The following DNAH8 variants were observed in gnomAD, a reference collection of about 807,000 sequenced individuals.
DNAH8 encodes the protein axonemal beta dynein heavy chain 8.
Under a neutral mutation model 562.1 loss-of-function variants are expected in DNAH8, and 382 were observed. That is an observed-to-expected ratio of 0.68 (90% CI 0.63 to 0.74). DNAH8 has a LOEUF of 0.74. DNAH8 is among the 30% of genes least tolerant of loss of function. The pLI, the probability that DNAH8 is intolerant of heterozygous loss-of-function variation, is 0.00. For synonymous variants in DNAH8, 1,881 were observed against 1,919.4 expected (o/e 0.98, Z 0.52); for missense variants, 5,203 against 5,620.4 (o/e 0.93, Z 2.37).
chr6:38,874,831 A>G (rs1189669736), intron 52 of DNAH8, among the ~76,000 whole-genome samples: 1 of 152,230 alleles, frequency 6.6e-6, no homozygotes, highest in Non-Finnish European at 1.5e-5. Context: ...ATTTGTGGGT[A>G]GGTTAGAAAC....
At chr6:38,997,216 C>T (rs920166304) in intron 88 of DNAH8, among the ~76,000 whole-genome samples, 1 of 152,110 alleles carries the variant, frequency 6.6e-6, no homozygotes, top group African/African-American at 2.4e-5. Context: ...TTCTTCTTTC[C>T]TCTGGCTCTG....
intron 62 of DNAH8, among the ~76,000 whole-genome samples, chr6:38,904,287 C>T (rs534313280): frequency 2.0e-5 from 3 of 152,044 alleles, no homozygotes; most frequent in African/African-American, 7.2e-5. Context: ...CTGGAGATAG[C>T]AATATAGAAG....
chr6:38,907,539 A>G (rs2150522853), intron 63 of DNAH8, among the ~76,000 whole-genome samples: 1 of 152,196 alleles, frequency 6.6e-6, no homozygotes, highest in Middle Eastern at 3.5e-3. Flanking sequence ...CTGCAAGCAT[A>G]CCCTTTTCAA....
intron 81 of DNAH8, 91 bp downstream of exon 81, chr6:38,949,661 C>T: frequency 2.6e-6 from 2 of 775,012 alleles, no homozygotes; most frequent in East Asian, 5.2e-5. Context: ...CACTATATCA[C>T]TGTCATTGAA....
intron 24 of DNAH8, among the ~76,000 whole-genome samples, chr6:38,811,371 T>C (rs1419353598): frequency 6.6e-6 from 1 of 152,204 alleles, no homozygotes; most frequent in Non-Finnish European, 1.5e-5. Flanking sequence ...GGTTATTTCA[T>C]ATGTTGGGGC....
intron 9 of DNAH8, among the ~76,000 whole-genome samples, chr6:38,750,958 C>T (rs1389605876): frequency 6.6e-6 from 1 of 152,110 alleles, no homozygotes; most frequent in Admixed American, 6.6e-5. Context: ...TATAGTGAAT[C>T]ATTAATATAG....
intron 18 of DNAH8, among the ~76,000 whole-genome samples, chr6:38,788,756 T>C (rs1169964726): frequency 1.3e-5 from 2 of 152,226 alleles, no homozygotes; most frequent in African/African-American, 2.4e-5. Flanking sequence ...GATGGTGTTC[T>C]TTGAAGCACA....
Position 38,898,370 on chromosome 6 carries a change from A to G in DNAH8, c.9053A>G (p.His3018Arg). Residue 3018 changes from histidine to arginine, a missense_variant, in exon 61 of 93, where the codon CAT (histidine) becomes CGT (arginine). Coordinates refer to ENST00000327475, the MANE Select transcript of DNAH8 (RefSeq NM_001206927.2). ...DLVFFKDAMTHLIKISRIIRT... is the reference protein window; with the variant it reads ...DLVFFKDAMTRLIKISRIIRT... ...GTGTTTTTTAAAGATGCAATGACTC[A>G]TCTTATTAAGGTCCTAACTATTGCC... 2.5e-6 allele frequency: 4 copies of G among 1,574,262 alleles called. No individual in the cohort carries two copies. Among genetic ancestry groups the G allele is most frequent in the Non-Finnish European group, 3.4e-6 (4 of 1,167,160 alleles).
chr6:38,801,970 G>T (rs1770816573), intron 21 of DNAH8, among the ~76,000 whole-genome samples: 1 of 151,992 alleles, frequency 6.6e-6, no homozygotes. Context: ...TTGAGACAGG[G>T]TCTTGCTCTG....
intron 79 of DNAH8, among the ~76,000 whole-genome samples, chr6:38,940,585 C>T (rs1783364219): frequency 6.6e-6 from 1 of 152,190 alleles, no homozygotes; most frequent in Non-Finnish European, 1.5e-5. Flanking sequence ...TCCATAACTA[C>T]TATGGCAGAG....
At chr6:38,913,235 C>T (rs1435860675) in intron 66 of DNAH8, among the ~76,000 whole-genome samples, 5 of 152,330 alleles carry the variant, frequency 3.3e-5, no homozygotes, top group African/African-American at 1.2e-4. Context: ...AGTGTTTACA[C>T]TACAGAAATT....
chr6:38,861,295 A>G (rs1776602433), intron 43 of DNAH8, among the ~76,000 whole-genome samples: 1 of 152,206 alleles, frequency 6.6e-6, no homozygotes, highest in South Asian at 2.1e-4. Flanking sequence ...GCCCAGTGCC[A>G]TAGCAACATA....
intron 21 of DNAH8, among the ~76,000 whole-genome samples, chr6:38,791,912 C>A (rs984679324): frequency 1.3e-5 from 2 of 152,090 alleles, no homozygotes; most frequent in Non-Finnish European, 2.9e-5. Flanking sequence ...TCCTGGGGCT[C>A]TGTAAGTGGT....
At position 39,012,742 on chromosome 6, in the gene DNAH8, T is replaced by G; in HGVS notation, c.13714+105T>G. On this transcript the variant is annotated intron_variant, in intron 91 of 92. Transcript: ENST00000327475. Reference sequence around the variant, plus strand: ...TATAAAACAATATGGAGGCGTAGCTTGCTGGGTGCTGCACATAGCCATTCA... The same window carrying G: ...TATAAAACAATATGGAGGCGTAGCTGGCTGGGTGCTGCACATAGCCATTCA... 3.6e-6 allele frequency: 3 copies of G among 824,722 alleles called. No individual in the cohort carries two copies. The South Asian group carries it at 4.8e-5, about 13-fold the overall frequency. The allele number at this position is 824,722 out of a possible 1,614,324, so 51.1% of individuals were successfully genotyped here. A position where few individuals can be genotyped will look rare whatever the true frequency, so the allele number is the denominator to read the frequency against.
In DNAH8 at chr6:38,990,111, C is replaced by A; in HGVS notation, c.13153C>A (p.Gln4385Lys). The A allele has an allele frequency of 1.2e-6, 2 of 1,606,630 alleles. No homozygotes were observed. The highest frequency in any genetic ancestry group is 1.7e-6 in the Non-Finnish European group (2 of 1,173,204). Residue 4385 changes from glutamine to lysine, a missense_variant, in exon 88 of 93, where the codon CAG becomes AAG. Transcript: ENST00000327475. Reference protein sequence around the residue: ...KTLDQYFEYIQSLPSLDNPEV... With the variant: ...KTLDQYFEYIKSLPSLDNPEV... ...CTTAGACCAGTATTTTGAATACATC[C>A]AGTCACTGCCATCCCTAGATAACCC...
At chr6:38,837,286 T>C (rs919985584) in intron 32 of DNAH8, among the ~76,000 whole-genome samples, 1 of 152,166 alleles carries the variant, frequency 6.6e-6, no homozygotes, top group Non-Finnish European at 1.5e-5. Flanking sequence ...AATTTAGGGT[T>C]CTCGGGAATA....
chr6:38,835,221 T>G (rs955311036), intron 32 of DNAH8, among the ~76,000 whole-genome samples: 1 of 152,128 alleles, frequency 6.6e-6, no homozygotes, highest in Non-Finnish European at 1.5e-5. Context: ...CAAGCAATTC[T>G]CTTCTTTGCT....
At chr6:39,015,709 G>A (rs190228897) in intron 91 of DNAH8, among the ~76,000 whole-genome samples, 25 of 152,254 alleles carry the variant, frequency 1.6e-4, no homozygotes, top group African/African-American at 3.1e-4. Context: ...TGTGAAAATG[G>A]ACTAATACAT....
At chr6:38,760,775 C>G (rs1055265665) in intron 10 of DNAH8, among the ~76,000 whole-genome samples, 1 of 152,160 alleles carries the variant, frequency 6.6e-6, no homozygotes, top group Non-Finnish European at 1.5e-5. Flanking sequence ...CTTGCTTGCT[C>G]TCATATGAGG....
Sources: allele counts gnomAD v4.1 joint callset (sites outside exome capture counted in the v4.1 genomes callset), GRCh38; gene constraint gnomAD v4.1.1; transcripts MANE v1.5; gene names NCBI Gene and HGNC (gene_info 2026-07-23, HGNC 2026-07-21).